The following PHEX variants were observed in gnomAD, a reference collection of about 807,000 sequenced individuals.
PHEX encodes phosphate regulating endopeptidase X-linked, also known as phosphate-regulating neutral endopeptidase PHEX.
A neutral mutation model predicts 68.0 loss-of-function variants in PHEX; 16 were observed. The ratio of observed to expected loss-of-function variants is 0.24; its 90% confidence interval spans 0.16 to 0.36. PHEX has a LOEUF of 0.36. PHEX is among the 10% of genes least tolerant of loss of function. PHEX has a pLI of 1.00. For missense variants in PHEX, 480 were observed against 575.5 expected (o/e 0.83, Z 1.70); for synonymous variants, 208 against 205.1 (o/e 1.01, Z -0.12).
chrX:22,199,787 A>G (rs1211468419), intron 15 of PHEX, among the ~76,000 whole-genome samples: 2 of 112,320 alleles, frequency 1.8e-5, no homozygotes, highest in East Asian at 5.6e-4. Context: ...AAATTTAAAA[A>G]GAAATCATAT....
intron 14 of PHEX, among the ~76,000 whole-genome samples, chrX:22,181,957 T>G (rs1363742842): frequency 8.9e-6 from 1 of 112,111 alleles, no homozygotes; most frequent in Non-Finnish European, 1.9e-5. Context: ...GTTTATCATT[T>G]TAATAGTTTT....
At chrX:22,092,212 T>A (rs188425049) in intron 6 of PHEX, among the ~76,000 whole-genome samples, 145 of 111,586 alleles carry the variant, frequency 1.3e-3, no homozygotes, top group Non-Finnish European at 2.2e-3. Context: ...GTTATTTTGA[T>A]GTCTTTAATG....
intron 17 of PHEX, among the ~76,000 whole-genome samples, chrX:22,220,989 T>C (rs991612908): frequency 3.6e-5 from 4 of 112,288 alleles, no homozygotes; most frequent in Non-Finnish European, 7.5e-5. Flanking sequence ...CCATTGTGTT[T>C]TGGAGATTTT....
chrX:22,224,947 A>AATTATCATACAGCGCTGCATGATTT (rs1935400851), intron 18 of PHEX, among the ~76,000 whole-genome samples: 1 of 23,247 alleles, frequency 4.3e-5, no homozygotes, highest in Non-Finnish European at 7.9e-5. Context: ...AAATAACATA[A>AATTATCATACAGCGCTGCATGATTT]ATTATCATAC....
At chrX:22,135,519 G>A (rs1362047679) in intron 12 of PHEX, among the ~76,000 whole-genome samples, 3 of 110,941 alleles carry the variant, frequency 2.7e-5, no homozygotes, top group African/African-American at 9.9e-5. Flanking sequence ...AGGTGTTGGG[G>A]GTAATGTGTT....
At position 22,149,119 on chromosome X, in the gene PHEX, G is replaced by A. The variant is rs139094700; in HGVS notation, c.1404+15495G>A. Among the ~76,000 whole-genome samples, 221 of 111,824 alleles carry A rather than the reference G, an allele frequency of 2.0e-3. 1 individual carries two copies. Among genetic ancestry groups the A allele is most frequent in the East Asian group, 5.9e-3 (21 of 3,554 alleles). ...TCCACTGACTTATGGGGTCCTGTAC[G>A]CCATAACCAAAGACTCAGTGTTGGA... is the stretch of plus-strand genomic sequence containing the variant. On this transcript the variant is annotated intron_variant, in intron 12 of 21. Transcript: ENST00000379374.
intron 13 of PHEX, 69 bp downstream of exon 13, chrX:22,168,458 C>T: frequency 1.5e-6 from 1 of 688,800 alleles, no homozygotes; most frequent in South Asian, 2.2e-5. Context: ...TTTCAACTAA[C>T]CCAAGTCCTA....
chrX:22,234,619 C>A (rs776867787), intron 20 of PHEX, among the ~76,000 whole-genome samples: 3 of 109,886 alleles, frequency 2.7e-5, no homozygotes, highest in Non-Finnish European at 5.7e-5. Context: ...CCTTCCCCCC[C>A]CAAGCTCAAG....
intron 18 of PHEX, among the ~76,000 whole-genome samples, chrX:22,224,983 A>AGCGCTGTATGATTTATTATCATACC (rs1270451681): frequency 9.2e-6 from 1 of 108,470 alleles, no homozygotes; most frequent in African/African-American, 3.4e-5. Context: ...ATTATCATAC[A>AGCGCTGTATGATTTATTATCATACC]GCTCTGTATG....
intron 21 of PHEX, among the ~76,000 whole-genome samples, chrX:22,247,449 G>GT (rs1936422542): frequency 8.9e-6 from 1 of 111,842 alleles, no homozygotes; most frequent in Admixed American, 9.5e-5. Context: ...AGCCTTCTGG[G>GT]TGCTGGAATG....
intron 14 of PHEX, among the ~76,000 whole-genome samples, chrX:22,189,169 C>T (rs966009163): frequency 8.9e-5 from 10 of 112,545 alleles, no homozygotes; most frequent in Non-Finnish European, 1.5e-4. Context: ...TTTCTTTATC[C>T]ATTCACCTGT....
At chrX:22,219,381 C>T (rs1354812790) in intron 17 of PHEX, among the ~76,000 whole-genome samples, 1 of 111,956 alleles carries the variant, frequency 8.9e-6, no homozygotes, top group Non-Finnish European at 1.9e-5. Context: ...GCTGTAGCTG[C>T]CACAATAGTT....
At chrX:22,205,695 T>A (rs868025661) in intron 15 of PHEX, among the ~76,000 whole-genome samples, 2 of 105,136 alleles carry the variant, frequency 1.9e-5, no homozygotes, top group East Asian at 2.8e-4. Context: ...ATTATTATTA[T>A]TAATATTTAA....
intron 14 of PHEX, among the ~76,000 whole-genome samples, chrX:22,181,863 CTTCTT>C (rs1359419345): frequency 8.9e-6 from 1 of 111,795 alleles, no homozygotes; most frequent in Non-Finnish European, 1.9e-5. Flanking sequence ...ATCTTCTTGA[CTTCTT>C]TTACAGATCG....
intron 3 of PHEX, among the ~76,000 whole-genome samples, chrX:22,061,471 C>A (rs1928361087): frequency 9.0e-6 from 1 of 111,480 alleles, no homozygotes; most frequent in African/African-American, 3.3e-5. Flanking sequence ...GGAGATAATT[C>A]ATTACTGTGA....
Position 22,249,442 on chromosome X carries a change from T to TAAAAAAAAAAA in PHEX, c.*1493_*1503dup, listed in dbSNP as rs540966419. The TAAAAAAAAAAA allele has an allele frequency of 5.2e-5, 2 of 38,672 alleles. No homozygotes were observed. Among genetic ancestry groups the TAAAAAAAAAAA allele is most frequent in the African/African-American group, 3.4e-4 (2 of 5,950 alleles). 3.2% of individuals were successfully genotyped at this position (38,672 alleles called of 1,213,427 possible). On this transcript the variant is annotated 3_prime_UTR_variant, in exon 22 of 22. Transcript: ENST00000379374. ...GTGTCCCTGTGATTTGTGATTCTTT[T>TAAAAAAAAAAA]AAAAAAAAAAAAAATATATATATAT...
intron 13 of PHEX, among the ~76,000 whole-genome samples, chrX:22,173,831 G>A (rs1416473491): frequency 9.0e-6 from 1 of 111,350 alleles, no homozygotes; most frequent in Non-Finnish European, 1.9e-5. Context: ...ACTTCCTACT[G>A]GCACAGTAAG....
chrX:22,045,029 TTG>T (rs1261713059), intron 2 of PHEX, among the ~76,000 whole-genome samples: 1,893 of 106,825 alleles, frequency 0.018, 46 homozygotes, highest in African/African-American at 0.062. Context: ...TGTTTTTTTT[TTG>T]TGTGTGTGTG....
intron 11 of PHEX, among the ~76,000 whole-genome samples, chrX:22,122,151 G>A (rs1363124410): frequency 8.9e-6 from 1 of 111,856 alleles, no homozygotes; most frequent in Admixed American, 9.5e-5. Flanking sequence ...ATGCATTATA[G>A]CATTGCCCTT....
Sources: gnomAD v4.1 joint callset for allele counts (sites outside exome capture counted in the v4.1 genomes callset) on GRCh38, gnomAD v4.1.1 for gene constraint, MANE v1.5 for transcripts, NCBI Gene and HGNC (gene_info 2026-07-23, HGNC 2026-07-21) for gene names.